The following TXLNB variants were observed in gnomAD, a reference collection of about 807,000 sequenced individuals.
TXLNB encodes the protein taxilin beta, also known as beta-taxilin.
TXLNB carries 37 observed loss-of-function variants against 57.4 expected under a neutral mutation model. The observed-to-expected ratio is 0.64, with a 90% CI of 0.50 to 0.85. The LOEUF is 0.85. Ranked by LOEUF, TXLNB falls within the 40% of genes least tolerant of loss-of-function variation. The pLI is 0.00. For missense variants in TXLNB, 848 were observed against 825.6 expected, an observed-to-expected ratio of 1.03 and a Z score of -0.33; for synonymous variants, 302 against 309.6, an observed-to-expected ratio of 0.98 and a Z score of 0.26.
At chr6:139,209,006 G>T in the TXLNB span, among the ~76,000 whole-genome samples, 2 of 152,192 alleles carry the variant, frequency 1.3e-5, no homozygotes, top group East Asian at 1.9e-4. Flanking sequence ...AAATGTAGGT[G>T]TTTGCTGATG....
At chr6:139,216,479 G>A in the TXLNB span, among the ~76,000 whole-genome samples, 14 of 109,604 alleles carry the variant, frequency 1.3e-4, no homozygotes, top group African/African-American at 4.6e-4. Flanking sequence ...CTGTTGTGGG[G>A]TGGGGGGAGG....
chr6:139,174,965 T>C, the TXLNB span, among the ~76,000 whole-genome samples: 1 of 152,200 alleles, frequency 6.6e-6, no homozygotes, highest in Admixed American at 6.5e-5. Context: ...AAAAATGTTA[T>C]TCAAAAGGAA....
intron 8 of TXLNB, among the ~76,000 whole-genome samples, chr6:139,245,238 AT>A (rs1284744977): frequency 6.6e-6 from 1 of 152,136 alleles, no homozygotes; most frequent in Non-Finnish European, 1.5e-5. Context: ...GGAAGGTTCT[AT>A]TTTCACCCCC....
At chr6:139,168,761 A>C in the TXLNB span, among the ~76,000 whole-genome samples, 3 of 152,206 alleles carry the variant, frequency 2.0e-5, no homozygotes, top group South Asian at 6.2e-4. Context: ...GAAAGGGAGC[A>C]TGGGAATAGA....
chr6:139,167,153 C>A, the TXLNB span: 1 of 1,614,142 alleles, frequency 6.2e-7, no homozygotes, highest in Non-Finnish European at 8.5e-7. Flanking sequence ...GGAAGACTTG[C>A]GGAAGTTCAT....
chr6:139,176,938 C>A, the TXLNB span: 1 of 869,174 alleles, frequency 1.2e-6, no homozygotes, highest in African/African-American at 1.6e-5. The surrounding 1 kb of genome is among the most constrained non-coding windows in gnomAD (Gnocchi z 4.5). Context: ...CTGTTTCCCC[C>A]AGGCCCGCCT....
intron 7 of TXLNB, among the ~76,000 whole-genome samples, chr6:139,255,208 G>A (rs564378339): frequency 5.9e-5 from 9 of 152,172 alleles, no homozygotes; most frequent in Non-Finnish European, 1.0e-4. Context: ...AGCAGTTTAC[G>A]TTTTCTTCTT....
intron 6 of TXLNB, among the ~76,000 whole-genome samples, chr6:139,256,228 A>T (rs1051572254): frequency 1.3e-5 from 2 of 152,228 alleles, no homozygotes; most frequent in Admixed American, 6.5e-5. Flanking sequence ...ACATTCTGGA[A>T]CCTTCTCTAG....
chr6:139,188,773 G>C, the TXLNB span, among the ~76,000 whole-genome samples: 2 of 149,682 alleles, frequency 1.3e-5, no homozygotes, highest in East Asian at 3.9e-4. Context: ...TTTCTTTTTT[G>C]AGACGAAGTC....
At chr6:139,238,427 A>G (rs181073672), downstream of TXLNB, among the ~76,000 whole-genome samples, 1 of 152,196 alleles carries the variant, frequency 6.6e-6, no homozygotes, top group East Asian at 1.9e-4. Flanking sequence ...TAGTGTAAAT[A>G]CTCATCAATG....
At chr6:139,170,402 G>C in the TXLNB span, 2 of 152,144 alleles carry the variant, frequency 1.3e-5, no homozygotes, top group Non-Finnish European at 2.9e-5. Flanking sequence ...TATCATACCT[G>C]GATATGATGT....
upstream of TXLNB, among the ~76,000 whole-genome samples, chr6:139,294,620 C>T (rs542712703): frequency 9.9e-5 from 15 of 152,224 alleles, no homozygotes; most frequent in South Asian, 4.1e-4. Context: ...AGGCTTTGTA[C>T]GAGGAAGTCA....
the TXLNB span, among the ~76,000 whole-genome samples, chr6:139,223,705 T>C: frequency 6.6e-6 from 1 of 152,020 alleles, no homozygotes; most frequent in African/African-American, 2.4e-5. Flanking sequence ...ATGCTCACCA[T>C]CACTGGCCAT....
At chr6:139,316,659 A>G in the TXLNB span, among the ~76,000 whole-genome samples, 1 of 152,180 alleles carries the variant, frequency 6.6e-6, no homozygotes, top group African/African-American at 2.4e-5. Context: ...TTTCTTTAAC[A>G]CAAGAATAAC....
intron 6 of TXLNB, among the ~76,000 whole-genome samples, chr6:139,256,236 T>C (rs937337527): frequency 6.6e-6 from 1 of 152,250 alleles, no homozygotes; most frequent in African/African-American, 2.4e-5. Context: ...GAACCTTCTC[T>C]AGTAATCTTG....
At chr6:139,208,273 T>C in the TXLNB span, among the ~76,000 whole-genome samples, 610 of 152,108 alleles carry the variant, frequency 4.0e-3, 2 homozygotes, top group Middle Eastern at 0.014. Flanking sequence ...AACAGACCAA[T>C]AGCAAGCAAT....
At chr6:139,226,191 G>A in the TXLNB span, among the ~76,000 whole-genome samples, 7 of 150,204 alleles carry the variant, frequency 4.7e-5, no homozygotes, top group Non-Finnish European at 7.4e-5. Context: ...CCAGCTACTC[G>A]GGAGGCTGAG....
At chr6:139,172,435 G>A in the TXLNB span, among the ~76,000 whole-genome samples, 4 of 151,992 alleles carry the variant, frequency 2.6e-5, no homozygotes, top group South Asian at 6.2e-4. Context: ...TGCCCTCCCC[G>A]GACCCTGTCT....
chr6:139,170,743 A>G, the TXLNB span, among the ~76,000 whole-genome samples: 1 of 152,198 alleles, frequency 6.6e-6, no homozygotes, highest in Admixed American at 6.5e-5. Context: ...ACTTTGCTAT[A>G]TATTCTTTAT....
Sources: gnomAD v4.1 joint callset for allele counts (sites outside exome capture counted in the v4.1 genomes callset) on GRCh38, gnomAD v4.1.1 for gene constraint, Gnocchi (gnomAD v3.1) non-coding constraint, MANE v1.5 for transcripts, NCBI Gene and HGNC (gene_info 2026-07-23, HGNC 2026-07-21) for gene names.